Variants in CCDC148 observed in about 807,000 individuals in gnomAD.
The protein encoded by CCDC148 is coiled-coil domain containing 148, also known as coiled-coil domain-containing protein 148.
In CCDC148, 89 loss-of-function variants were observed where a neutral mutation model predicts 85.7. The observed-to-expected ratio is 1.04, with a 90% CI of 0.87 to 1.24. The LOEUF (loss-of-function observed/expected upper bound fraction) is 1.24, where lower values mean the gene tolerates loss of function less well. Ranked by LOEUF, CCDC148 falls within the 50% of genes most tolerant of loss-of-function variation. CCDC148 has a pLI of 0.00. For missense variants in CCDC148, 692 were observed against 671.7 expected, an observed-to-expected ratio of 1.03 and a Z score of -0.33; for synonymous variants, 230 against 213.9, an observed-to-expected ratio of 1.08 and a Z score of -0.66.
At chr2:158,269,028 G>A (rs575117553) in intron 9 of CCDC148, among the ~76,000 whole-genome samples, 10 of 152,246 alleles carry the variant, frequency 6.6e-5, no homozygotes, top group African/African-American at 2.2e-4. Context: ...GAACACAGAA[G>A]TGCAGCTATC....
intron 7 of CCDC148, among the ~76,000 whole-genome samples, chr2:158,332,240 G>A (rs1219920018): frequency 1.3e-5 from 2 of 151,792 alleles, no homozygotes; most frequent in African/African-American, 4.8e-5. Flanking sequence ...TGTCTGTAAA[G>A]GATTTTATTT....
intron 11 of CCDC148, among the ~76,000 whole-genome samples, chr2:158,202,128 A>G (rs1331225815): frequency 6.6e-6 from 1 of 152,230 alleles, no homozygotes; most frequent in Non-Finnish European, 1.5e-5. Context: ...ATGAATAATT[A>G]AAATTTAGAG....
intron 1 of CCDC148, among the ~76,000 whole-genome samples, chr2:158,391,189 G>A (rs564167157): frequency 3.3e-5 from 5 of 152,200 alleles, no homozygotes; most frequent in South Asian, 4.1e-4. Context: ...ATGATGAACC[G>A]TGAATTACAG....
At chr2:158,331,273 T>C (rs1025483804) in intron 7 of CCDC148, among the ~76,000 whole-genome samples, 1 of 152,226 alleles carries the variant, frequency 6.6e-6, no homozygotes, top group African/African-American at 2.4e-5. Flanking sequence ...TACCCAGTAG[T>C]CATTCAGGAG....
At chr2:158,175,823 A>G (rs1684551734) in intron 13 of CCDC148, among the ~76,000 whole-genome samples, 1 of 152,010 alleles carries the variant, frequency 6.6e-6, no homozygotes, top group African/African-American at 2.4e-5. Flanking sequence ...TAAAACTGAC[A>G]ACTACTTTCT....
intron 7 of CCDC148, among the ~76,000 whole-genome samples, chr2:158,328,766 G>A (rs566479737): frequency 3.2e-4 from 48 of 152,314 alleles, no homozygotes; most frequent in African/African-American, 1.2e-3. Context: ...GATGGCCAGT[G>A]ATGATGAGCA....
intron 11 of CCDC148, among the ~76,000 whole-genome samples, chr2:158,198,447 C>T (rs1267880240): frequency 6.6e-6 from 1 of 152,190 alleles, no homozygotes; most frequent in Admixed American, 6.5e-5. Flanking sequence ...ATCAACTCTG[C>T]ACCTTTGAAG....
chr2:158,174,030 T>C (rs1684449634), intron 13 of CCDC148, among the ~76,000 whole-genome samples: 3 of 152,136 alleles, frequency 2.0e-5, no homozygotes, highest in South Asian at 4.1e-4. Flanking sequence ...CTAAACATGG[T>C]ATAAGTAAAA....
At chr2:158,340,458 C>A in intron 4 of CCDC148, 65 bp from the exon 5 acceptor site, 1 of 1,538,568 alleles carries the variant, frequency 6.5e-7, no homozygotes. Flanking sequence ...AAAAACAGAT[C>A]ATTAGAGTAC....
At chr2:158,176,409 G>A (rs754173940) in intron 13 of CCDC148, 112 bp downstream of exon 13, 137 of 1,004,908 alleles carry the variant, frequency 1.4e-4, no homozygotes, top group Non-Finnish European at 1.9e-4. Context: ...ATGCTAATAT[G>A]TAAGATATTC....
intron 1 of CCDC148, among the ~76,000 whole-genome samples, chr2:158,384,759 T>C (rs1685015110): frequency 6.6e-6 from 1 of 152,178 alleles, no homozygotes; most frequent in African/African-American, 2.4e-5. Context: ...GCTCAAATTA[T>C]CCCAAATTTA....
intron 9 of CCDC148, among the ~76,000 whole-genome samples, chr2:158,266,929 T>G (rs945815962): frequency 1.3e-5 from 2 of 150,540 alleles, no homozygotes; most frequent in Non-Finnish European, 3.0e-5. Flanking sequence ...TACATATATA[T>G]GCACACATAT....
intron 9 of CCDC148, among the ~76,000 whole-genome samples, chr2:158,289,900 C>T (rs934250917): frequency 5.3e-5 from 8 of 152,146 alleles, no homozygotes; most frequent in African/African-American, 1.7e-4. Flanking sequence ...ACACACAGTA[C>T]GGTAACATAC....
chr2:158,418,191 T>C (rs1194824157), intron 1 of CCDC148, among the ~76,000 whole-genome samples: 2 of 151,954 alleles, frequency 1.3e-5, no homozygotes, highest in African/African-American at 4.8e-5. Flanking sequence ...CTGATTAACC[T>C]CCTACAAATC....
chr2:158,403,515 T>TAAACA (rs1685873888), intron 1 of CCDC148, among the ~76,000 whole-genome samples: 1 of 152,100 alleles, frequency 6.6e-6, no homozygotes, highest in Non-Finnish European at 1.5e-5. Context: ...GCTACTGACC[T>TAAACA]TTATATGAAC....
intron 1 of CCDC148, among the ~76,000 whole-genome samples, chr2:158,435,408 T>G (rs113525897): frequency 1.9e-4 from 29 of 152,300 alleles, no homozygotes; most frequent in African/African-American, 6.7e-4. Context: ...AATAAAATAC[T>G]TTACAGACAA....
intron 11 of CCDC148, among the ~76,000 whole-genome samples, 170 bp from the exon 12 acceptor site, chr2:158,179,166 A>ATCTTTTTTTTT (rs1684748749): frequency 1.2e-5 from 1 of 82,824 alleles, no homozygotes. Context: ...ATAAAATGCA[A>ATCTTTTTTTTT]TTTTTTTTTT....
chr2:158,338,110 G>A (rs1417871882), intron 7 of CCDC148, among the ~76,000 whole-genome samples: 1 of 152,106 alleles, frequency 6.6e-6, no homozygotes, highest in East Asian at 1.9e-4. Context: ...CTAGTTCAGA[G>A]TGGTGTATCC....
intron 2 of CCDC148, among the ~76,000 whole-genome samples, 175 bp downstream of exon 2, chr2:158,358,274 T>C (rs766425733): frequency 2.3e-4 from 35 of 152,212 alleles, no homozygotes; most frequent in Non-Finnish European, 4.7e-4. Context: ...ATGTAAACTA[T>C]ATAATGGTGT....
Sources: gnomAD v4.1 joint callset for allele counts (sites outside exome capture counted in the v4.1 genomes callset) on GRCh38, gnomAD v4.1.1 for gene constraint, MANE v1.5 for transcripts, NCBI Gene and HGNC (gene_info 2026-07-23, HGNC 2026-07-21) for gene names.